The following RIMS2 variants were observed in gnomAD, a reference collection of about 807,000 sequenced individuals.
The protein encoded by RIMS2 is regulating synaptic membrane exocytosis 2, also known as regulating synaptic membrane exocytosis protein 2.
Under a neutral mutation model 174.4 loss-of-function variants are expected in RIMS2, and 59 were observed. That is an observed-to-expected ratio of 0.34 (90% CI 0.27 to 0.42). The LOEUF is 0.42. Ranked by LOEUF, RIMS2 falls within the 10% of genes least tolerant of loss-of-function variation. The pLI, the probability that RIMS2 is intolerant of heterozygous loss-of-function variation, is 1.00. For synonymous variants in RIMS2, 606 were observed against 572.5 expected, an observed-to-expected ratio of 1.06 and a Z score of -0.84; for missense variants, 1,620 against 1,666.3, an observed-to-expected ratio of 0.97 and a Z score of 0.48.
intron 21 of RIMS2, 118 bp downstream of exon 27, chr8:104,248,931 C>A (rs62508133): frequency 2.0e-6 from 1 of 498,590 alleles, no homozygotes; most frequent in Non-Finnish European, 3.3e-6. Flanking sequence ...CTCTCTCCCT[C>A]TATTTTTTTT....
exon 4 of RIMS2, chr8:103,885,522 T>C (rs1307106219): frequency 4.3e-6 from 7 of 1,611,910 alleles, no homozygotes; most frequent in African/African-American, 4.0e-5. Flanking sequence ...AAAGAATATA[T>C]TGTAGATGAT....
At chr8:103,974,023 C>T (rs1374214281) in intron 15 of RIMS2, among the ~76,000 whole-genome samples, 1 of 152,144 alleles carries the variant, frequency 6.6e-6, no homozygotes. Flanking sequence ...TACAAAAATC[C>T]AGGCCTCTTA....
intron 1 of RIMS2, among the ~76,000 whole-genome samples, chr8:103,672,176 C>T (rs1043846880): frequency 6.6e-6 from 1 of 151,796 alleles, no homozygotes; most frequent in Non-Finnish European, 1.5e-5. Context: ...CAATATGGGA[C>T]AGTATCTGTG....
At chr8:103,738,851 A>G (rs1284201653) in intron 2 of RIMS2, among the ~76,000 whole-genome samples, 2 of 151,884 alleles carry the variant, frequency 1.3e-5, no homozygotes, top group African/African-American at 4.8e-5. Context: ...ACCAGTTAGA[A>G]TGGCGATCAT....
chr8:104,123,320 T>C (rs1467781098), intron 19 of RIMS2, among the ~76,000 whole-genome samples: 1 of 152,022 alleles, frequency 6.6e-6, no homozygotes, highest in African/African-American at 2.4e-5. Flanking sequence ...AGGAAATAAT[T>C]CTGAAAAGTC....
At chr8:104,123,882 T>G (rs2098405866) in intron 19 of RIMS2, among the ~76,000 whole-genome samples, 1 of 152,092 alleles carries the variant, frequency 6.6e-6, no homozygotes, top group Non-Finnish European at 1.5e-5. Context: ...CAAATAAAAT[T>G]TCTATACACC....
At chr8:103,827,762 G>A (rs1337231952) in intron 3 of RIMS2, among the ~76,000 whole-genome samples, 1 of 152,134 alleles carries the variant, frequency 6.6e-6, no homozygotes, top group Admixed American at 6.5e-5. Flanking sequence ...TTGAACCCGG[G>A]AGGCAGAGGT....
At chr8:104,065,903 G>A (rs2097098222) in intron 19 of RIMS2, among the ~76,000 whole-genome samples, 2 of 152,114 alleles carry the variant, frequency 1.3e-5, no homozygotes, top group Non-Finnish European at 2.9e-5. Flanking sequence ...TGTTTATCCA[G>A]CAAATACAGA....
chr8:103,599,750 AT>A (rs1412663385), intron 1 of RIMS2, among the ~76,000 whole-genome samples: 6 of 151,844 alleles, frequency 4.0e-5, no homozygotes, highest in African/African-American at 1.2e-4. Context: ...GTACCTGGTC[AT>A]TTTTTTAATT....
intron 16 of RIMS2, among the ~76,000 whole-genome samples, chr8:103,983,108 A>G (rs909762939): frequency 2.6e-5 from 4 of 152,220 alleles, no homozygotes; most frequent in African/African-American, 9.6e-5. Context: ...ACAGTGAACA[A>G]TCTGAAAAAG....
intron 1 of RIMS2, among the ~76,000 whole-genome samples, chr8:103,527,254 C>T (rs1316803604): frequency 6.6e-6 from 1 of 152,146 alleles, no homozygotes. Flanking sequence ...ATACAGTTAT[C>T]CCTCAGTATC....
At chr8:103,779,024 T>C (rs1331117514) in intron 3 of RIMS2, among the ~76,000 whole-genome samples, 2 of 152,210 alleles carry the variant, frequency 1.3e-5, no homozygotes, top group Non-Finnish European at 2.9e-5. Flanking sequence ...TTCATATACC[T>C]GTTGGTCATT....
chr8:103,995,683 A>G (rs763901153), intron 17 of RIMS2, among the ~76,000 whole-genome samples: 6 of 152,184 alleles, frequency 3.9e-5, no homozygotes, highest in Non-Finnish European at 8.8e-5. Flanking sequence ...ATCAGGAACC[A>G]GTGAAGGATT....
chr8:104,093,708 G>A lies in RIMS2; in HGVS notation c.3334+79093G>A, dbSNP rs985380858. The stretch of plus-strand genomic sequence containing the variant: ...TAGAAGGTCTTTATGTTTCCCGGAT[G>A]AACATAAAATTATTTATTTCTAACA... On this transcript the variant is annotated intron_variant, in intron 19 of 23. Coordinates refer to ENST00000504942, the Ensembl canonical transcript of RIMS2. 1.4e-5 allele frequency: 18 copies of A among 1,260,322 alleles called. No homozygotes were observed. The Admixed American group carries it at 2.3e-4, about 16-fold the overall frequency. The allele number at this position is 1,260,322 out of a possible 1,614,324, so 78.1% of individuals were successfully genotyped here.
intron 1 of RIMS2, among the ~76,000 whole-genome samples, chr8:103,660,899 T>C (rs976356013): frequency 2.0e-5 from 3 of 152,150 alleles, no homozygotes; most frequent in African/African-American, 7.2e-5. Flanking sequence ...GTAAAACTTA[T>C]AAGTAATATA....
intron 1 of RIMS2, among the ~76,000 whole-genome samples, chr8:103,529,915 G>A (rs1199468151): frequency 1.3e-5 from 2 of 152,166 alleles, no homozygotes; most frequent in African/African-American, 2.4e-5. Context: ...ATCTGTGGAT[G>A]CAGAACTCAT....
At chr8:103,859,428 C>A (rs2099046939) in intron 3 of RIMS2, among the ~76,000 whole-genome samples, 1 of 152,054 alleles carries the variant, frequency 6.6e-6, no homozygotes, top group Non-Finnish European at 1.5e-5. Flanking sequence ...AAATCTCCAA[C>A]AGAATTTTTT....
chr8:104,160,957 C>A (rs574231969), intron 19 of RIMS2, among the ~76,000 whole-genome samples: 2 of 152,234 alleles, frequency 1.3e-5, no homozygotes, highest in Non-Finnish European at 2.9e-5. Context: ...AGAGTTCAAG[C>A]AGGCCTGAAT....
intron 1 of RIMS2, among the ~76,000 whole-genome samples, chr8:103,673,216 G>A (rs2096766835): frequency 6.6e-6 from 1 of 152,176 alleles, no homozygotes; most frequent in Admixed American, 6.5e-5. Context: ...TTGAGTGCCT[G>A]CAGCTTTTCC....
Sources: allele counts gnomAD v4.1 joint callset (sites outside exome capture counted in the v4.1 genomes callset), GRCh38; gene constraint gnomAD v4.1.1; transcripts MANE v1.5; gene names NCBI Gene and HGNC (gene_info 2026-07-23, HGNC 2026-07-21).